Variants in METTL15 observed in about 807,000 individuals in gnomAD.
METTL15 encodes methyltransferase 15, mitochondrial 12S rRNA N4-cytidine.
METTL15 carries 34 observed loss-of-function variants against 38.3 expected under a neutral mutation model. That is an observed-to-expected ratio of 0.89 (90% CI 0.68 to 1.18). The LOEUF (loss-of-function observed/expected upper bound fraction) is 1.18, where lower values mean the gene tolerates loss of function less well. Ranked by LOEUF, METTL15 falls within the 50% of genes most tolerant of loss-of-function variation. METTL15 has a pLI of 0.00. For synonymous variants in METTL15, 162 were observed against 170.9 expected (o/e 0.95, Z 0.41); for missense variants, 438 against 498.4 (o/e 0.88, Z 1.15).
chr11:28,400,236 T>G (rs1474292832), intron 5 of METTL15, among the ~76,000 whole-genome samples: 6 of 151,932 alleles, frequency 3.9e-5, no homozygotes, highest in Non-Finnish European at 8.8e-5. Flanking sequence ...ATTTTCTCTT[T>G]TTTTTTTCAC....
rs1337862477 is a variant in METTL15, at chr11:28,330,862, C to T, written c.*21C>T. ...TATAAGTTATCATCATCTTATTCTT[C>T]AAATTTTTTTCTCACAATTTCTCTA... is the stretch of plus-strand genomic sequence containing the variant. On this transcript the variant is annotated 3_prime_UTR_variant, in exon 7 of 7. Coordinates refer to ENST00000407364, the MANE Select transcript of METTL15 (RefSeq NM_001113528.2). The T allele has an allele frequency of 6.6e-7, 1 of 1,504,268 alleles. No homozygotes were observed. Among genetic ancestry groups the T allele is most frequent in the Non-Finnish European group, 8.9e-7 (1 of 1,126,848 alleles). 93.2% of individuals were successfully genotyped at this position (1,504,268 alleles called of 1,614,324 possible). A position where few individuals can be genotyped will look rare whatever the true frequency, so the allele number is the denominator to read the frequency against.
At chr11:28,192,149 G>A (rs182166044) in intron 3 of METTL15, among the ~76,000 whole-genome samples, 10 of 151,700 alleles carry the variant, frequency 6.6e-5, no homozygotes, top group East Asian at 1.9e-4. Context: ...GTGATATCTC[G>A]TCTTAAGATT....
chr11:28,316,596 A>G (rs1857488629), intron 6 of METTL15, among the ~76,000 whole-genome samples: 1 of 152,192 alleles, frequency 6.6e-6, no homozygotes, highest in African/African-American at 2.4e-5. Context: ...ATGTGAAGAT[A>G]GGATATTTGG....
chr11:28,181,364 C>T (rs1851281108), intron 3 of METTL15, among the ~76,000 whole-genome samples: 1 of 149,196 alleles, frequency 6.7e-6, no homozygotes, highest in Non-Finnish European at 1.5e-5. Context: ...CTCATCAACC[C>T]GTCATCTACA....
intron 4 of METTL15, among the ~76,000 whole-genome samples, chr11:28,212,043 G>T (rs1468572354): frequency 6.6e-6 from 1 of 151,924 alleles, no homozygotes; most frequent in Non-Finnish European, 1.5e-5. Flanking sequence ...ACAACAAAAT[G>T]GTCTCTTTGG....
chr11:28,353,931 CAAAAAAAAAAAA>C (rs374097845), intron 4 of METTL15, among the ~76,000 whole-genome samples: 1 of 46,354 alleles, frequency 2.2e-5, no homozygotes, highest in Non-Finnish European at 4.4e-5. Context: ...GACTCCGTCT[CAAAAAAAAAAAA>C]AAAAAAAAAA....
chr11:28,231,990 G>A (rs1226915584), intron 4 of METTL15, among the ~76,000 whole-genome samples: 1 of 151,842 alleles, frequency 6.6e-6, no homozygotes, highest in African/African-American at 2.4e-5. Flanking sequence ...AATGGATGAT[G>A]ATTTTTTCAT....
chr11:28,261,323 T>A (rs183235165), intron 4 of METTL15: 3 of 152,234 alleles, frequency 2.0e-5, no homozygotes, highest in Non-Finnish European at 4.4e-5. Context: ...GCACAGCTAC[T>A]CATAAACCCT....
At chr11:28,396,219 A>G (rs1406587020) in intron 5 of METTL15, among the ~76,000 whole-genome samples, 7 of 152,196 alleles carry the variant, frequency 4.6e-5, no homozygotes, top group Non-Finnish European at 8.8e-5. Flanking sequence ...CTCCTATTCA[A>G]CGTAGTGTTG....
intron 3 of METTL15, among the ~76,000 whole-genome samples, chr11:28,192,105 G>A (rs984750726): frequency 6.6e-6 from 1 of 151,532 alleles, no homozygotes; most frequent in East Asian, 1.9e-4. Context: ...CTCCTGATGA[G>A]GTTTTCATTC....
intron 3 of METTL15, among the ~76,000 whole-genome samples, chr11:28,162,801 G>A (rs1850514369): frequency 6.6e-6 from 1 of 151,996 alleles, no homozygotes; most frequent in Non-Finnish European, 1.5e-5. Context: ...GTAATTTATT[G>A]AATGTGATGT....
At chr11:28,164,085 T>C (rs1015271628) in intron 3 of METTL15, 2 of 152,120 alleles carry the variant, frequency 1.3e-5, no homozygotes, top group African/African-American at 4.8e-5. Context: ...AATATGAACA[T>C]TAATTATCTT....
At chr11:28,430,298 G>A (rs1023386909) in intron 6 of METTL15, among the ~76,000 whole-genome samples, 1 of 136,712 alleles carries the variant, frequency 7.3e-6, no homozygotes, top group Non-Finnish European at 1.6e-5. Flanking sequence ...CCCCCGCCCG[G>A]CCAGCCGTGC....
chr11:28,242,474 G>T (rs1854341088), intron 4 of METTL15, among the ~76,000 whole-genome samples: 1 of 152,156 alleles, frequency 6.6e-6, no homozygotes, highest in Non-Finnish European at 1.5e-5. Flanking sequence ...ATAATTTAGA[G>T]AACATCATTC....
At position 28,188,329 on chromosome 11, in the gene METTL15, A is replaced by G. The variant is rs185934277; in HGVS notation, c.271-22733A>G. Among the ~76,000 whole-genome samples, 560 of 151,416 alleles carry G rather than the reference A, an allele frequency of 3.7e-3. 6 individuals carry two copies. Among genetic ancestry groups the G allele is most frequent in the Admixed American group, 7.5e-3 (114 of 15,142 alleles). On this transcript the variant is annotated intron_variant, in intron 3 of 6. Coordinates refer to ENST00000407364, the MANE Select transcript of METTL15 (RefSeq NM_001113528.2). ...TAAACCAAGGCATATATAGTATTAC[A>G]TTTGTTGTAATTATTAACAATGAAA...
chr11:28,192,186 A>G (rs1477956191), intron 3 of METTL15, among the ~76,000 whole-genome samples: 2 of 151,862 alleles, frequency 1.3e-5, no homozygotes. Context: ...GATAGTTTGC[A>G]TTATGAATGC....
At position 28,248,964 on chromosome 11, in the gene METTL15, T is replaced by G. The variant is rs545463877; in HGVS notation, c.407+37766T>G. 2.0e-3 allele frequency among the ~76,000 whole-genome samples: 302 copies of G among 152,150 alleles called. 1 individual carries two copies. Among genetic ancestry groups the G allele is most frequent in the African/African-American group, 6.0e-3 (249 of 41,550 alleles). ...CTCTGTCTTCACCCTTTCTTTGTTA[T>G]TTCTCTCTTTTACTTTCTTCATTTA... On this transcript the variant is annotated intron_variant, in intron 4 of 6. Coordinates refer to ENST00000407364, the MANE Select transcript of METTL15 (RefSeq NM_001113528.2).
intron 3 of METTL15, among the ~76,000 whole-genome samples, chr11:28,154,353 A>G (rs1850192634): frequency 6.6e-6 from 1 of 152,046 alleles, no homozygotes; most frequent in Non-Finnish European, 1.5e-5. Flanking sequence ...TTCTTGGTAA[A>G]TCTTAACAAT....
intron 4 of METTL15, among the ~76,000 whole-genome samples, chr11:28,245,555 A>C (rs2133912900): frequency 6.6e-6 from 1 of 152,300 alleles, no homozygotes; most frequent in South Asian, 2.1e-4. Flanking sequence ...ATTCAACCTG[A>C]TTTTCAAAAT....
Sources: gnomAD v4.1 joint callset for allele counts (sites outside exome capture counted in the v4.1 genomes callset) on GRCh38, gnomAD v4.1.1 for gene constraint, MANE v1.5 for transcripts, NCBI Gene and HGNC (gene_info 2026-07-23, HGNC 2026-07-21) for gene names.